The following RUBCN variants were observed in gnomAD, a reference collection of about 807,000 sequenced individuals.
RUBCN encodes the protein run domain Beclin-1-interacting and cysteine-rich domain-containing protein.
RUBCN carries 74 observed loss-of-function variants against 113.2 expected under a neutral mutation model. That is an observed-to-expected ratio of 0.65 (90% confidence interval 0.54 to 0.79). The LOEUF is 0.79. RUBCN is among the 30% of genes least tolerant of loss of function. The pLI, the probability that RUBCN is intolerant of heterozygous loss-of-function variation, is 0.00. For synonymous variants in RUBCN, 480 were observed against 490.0 expected, an observed-to-expected ratio of 0.98 and a Z score of 0.27; for missense variants, 1,109 against 1,251.7, an observed-to-expected ratio of 0.89 and a Z score of 1.72.
chr3:197,726,152 TAA>T, intron 1 of RUBCN, among the ~76,000 whole-genome samples: 1 of 152,374 alleles, frequency 6.6e-6, no homozygotes, highest in Non-Finnish European at 1.5e-5. Context: ...AAAAATACTT[TAA>T]GACTGTTGTT....
chr3:197,709,923 C>T (rs1580298624), intron 2 of RUBCN, among the ~76,000 whole-genome samples: 1 of 152,026 alleles, frequency 6.6e-6, no homozygotes, highest in Non-Finnish European at 1.5e-5. Flanking sequence ...TTAATCCCAG[C>T]ATTTTGGGAG....
chr3:197,743,640 T>C lies in RUBCN; in HGVS notation c.-116+5629A>G, dbSNP rs182558873. Among the ~76,000 whole-genome samples the C allele has an allele frequency of 2.0e-3, 305 of 152,280 alleles. 3 individuals are homozygous for C. In the Middle Eastern group the frequency reaches 0.031, roughly 15 times the overall value. ...TGAACAGAAAAGAGAAGAAAACCTG[T>C]AGTGTATATATAAGTAGTTTAAGGG... On this transcript the variant is annotated intron_variant, in intron 1 of 20. Transcript: ENST00000273582.
upstream of RUBCN, among the ~76,000 whole-genome samples, chr3:197,738,716 G>A (rs1355926715): frequency 6.6e-6 from 1 of 151,968 alleles, no homozygotes; most frequent in Non-Finnish European, 1.5e-5. Context: ...CAAGTAGCTG[G>A]GACCACAGGC....
Position 197,700,918 on chromosome 3 carries a change from C to A in RUBCN, c.956G>T (p.Ser319Ile). 2 of 1,614,226 alleles carry A rather than the reference C, an allele frequency of 1.2e-6. No individual in the cohort carries two copies. The highest frequency in any genetic ancestry group is 1.7e-6 in the Non-Finnish European group (2 of 1,180,048). The change falls in exon 7 of 20, where the codon AGT becomes ATT. Residue 319 changes from serine to isoleucine, a missense_variant. Physicochemically the swap from Ser to Ile is moderately radical, Grantham distance 142 (BLOSUM62 -2). Coordinates refer to ENST00000296343, the MANE Select transcript of RUBCN (RefSeq NM_014687.4). ...SSQNDSPGDASEGPEYLAIGN... is the reference protein window; with the variant it reads ...SSQNDSPGDAIEGPEYLAIGN... Reference sequence around the variant, plus strand: ...AATGGCCAGGTACTCAGGCCCCTCACTGGCATCACCTGGGGAATCATTCTG... The same window carrying A: ...AATGGCCAGGTACTCAGGCCCCTCAATGGCATCACCTGGGGAATCATTCTG...
chr3:197,683,350 G>A lies in RUBCN; in HGVS notation c.1937C>T (p.Ser646Leu), dbSNP rs759067475. The change falls in exon 13 of 20, where the codon TCG becomes TTG. Residue 646 changes from serine to leucine, a missense_variant. Coordinates refer to ENST00000296343, the MANE Select transcript of RUBCN (RefSeq NM_014687.4). The surrounding 1 kb of genome is among the most constrained non-coding windows in gnomAD (Gnocchi z 4.6). ...QFEGMQLPAA[S>L]ELEWLVPEHD... ...CTCCGGGACAAGCCACTCCAGCTCC[G>A]AGGCGGCTGGAAGCTGCATCCCCTC... 8.1e-6 allele frequency: 13 copies of A among 1,614,050 alleles called. No homozygotes were observed. Among genetic ancestry groups the A allele is most frequent in the Admixed American group, 5.0e-5 (3 of 60,002 alleles).
At chr3:197,708,416 G>A (rs1033954971) in intron 2 of RUBCN, among the ~76,000 whole-genome samples, 5 of 151,944 alleles carry the variant, frequency 3.3e-5, no homozygotes, top group African/African-American at 9.7e-5. Context: ...GATTACAGGC[G>A]TAAGCCACCA....
At chr3:197,715,290 G>GAA (rs35511002) in intron 2 of RUBCN, among the ~76,000 whole-genome samples, 89 of 102,788 alleles carry the variant, frequency 8.7e-4, no homozygotes, top group East Asian at 2.2e-3. Context: ...ACTCTATCTT[G>GAA]AAAAAAAAAA....
intron 11 of RUBCN, among the ~76,000 whole-genome samples, chr3:197,690,031 C>G (rs575237296): frequency 6.6e-6 from 1 of 152,236 alleles, no homozygotes; most frequent in African/African-American, 2.4e-5. Context: ...TTAGCTCCCA[C>G]ATATGAGTGA....
At chr3:197,739,613 GTGA>G (rs749569355), upstream of RUBCN, among the ~76,000 whole-genome samples, 62 of 151,452 alleles carry the variant, frequency 4.1e-4, 1 homozygote, top group South Asian at 6.3e-4. Flanking sequence ...GGAGAATGGC[GTGA>G]TGAACCCGGG....
chr3:197,710,696 T>G, intron 2 of RUBCN, among the ~76,000 whole-genome samples: 1 of 151,330 alleles, frequency 6.6e-6, no homozygotes, highest in African/African-American at 2.4e-5. Context: ...AAATAAAGAA[T>G]ATCTATAAAT....
chr3:197,700,686 A>G lies in RUBCN; in HGVS notation c.1188T>C (p.Thr396=), dbSNP rs28394098. ...GGCTTTTCTTTGCCCCACTGGTGACAGTGAGTGTCTGCCCCTCTGAGAAGC... is the reference window on the plus strand; with the variant it reads ...GGCTTTTCTTTGCCCCACTGGTGACGGTGAGTGTCTGCCCCTCTGAGAAGC... ...RSSFSEGQTL[T]VTSGAKKSHI... Residue 396 remains threonine (T), a synonymous_variant, in exon 7 of 20, where the codon ACT becomes ACC. Coordinates refer to ENST00000296343, the MANE Select transcript of RUBCN (RefSeq NM_014687.4). 161,183 of 1,613,948 alleles carry G rather than the reference A, an allele frequency of 0.1. 9,944 individuals are homozygous for G. The highest frequency in any genetic ancestry group is 0.3 in the African/African-American group (22,419 of 74,936).
intron 1 of RUBCN, among the ~76,000 whole-genome samples, chr3:197,735,496 A>AT (rs1728018278): frequency 2.6e-5 from 4 of 152,370 alleles, no homozygotes; most frequent in Admixed American, 1.3e-4. Flanking sequence ...TTTAAAAAAG[A>AT]TTAAGACCAG....
At position 197,701,029 on chromosome 3, in the gene RUBCN, G is replaced by A; in HGVS notation, c.845C>T (p.Ala282Val). ...GGTCAAAGGGGAATCCCTGGCTAGT[G>A]CAGAGACTGAAACTGGGGGGGCTTG... ...TIQAPPVSVSALARDSPLTPN... is the reference protein window; with the variant it reads ...TIQAPPVSVSVLARDSPLTPN... Residue 282 changes from alanine to valine, a missense_variant, in exon 7 of 20, where the codon GCA (alanine) becomes GTA (valine). Physicochemically the swap from Ala to Val is moderately conservative, Grantham distance 64. This residue lies in a region of RUBCN where 736 missense variants were observed against 779.6 expected (regional missense o/e 0.94). Transcript: ENST00000296343. 1 of 1,614,166 alleles carries A rather than the reference G, an allele frequency of 6.2e-7. No individual in the cohort carries two copies. The highest frequency in any genetic ancestry group is 8.5e-7 in the Non-Finnish European group (1 of 1,180,004).
At chr3:197,694,133 C>T (rs1248073450) in intron 10 of RUBCN, 8 of 635,946 alleles carry the variant, frequency 1.3e-5, no homozygotes, top group African/African-American at 8.9e-5. Context: ...TCAAGTGATC[C>T]ACCCGCCTCG....
At chr3:197,682,430 C>T (rs1238555104) in intron 14 of RUBCN, 40 bp downstream of exon 14, 22 of 1,612,196 alleles carry the variant, frequency 1.4e-5, no homozygotes, top group Middle Eastern at 3.3e-4. Context: ...CCAAAGAGGA[C>T]GGATCTGTGC....
intron 1 of RUBCN, among the ~76,000 whole-genome samples, chr3:197,723,974 T>A (rs1386893013): frequency 6.6e-6 from 1 of 152,172 alleles, no homozygotes; most frequent in Non-Finnish European, 1.5e-5. Context: ...GGCACATGCC[T>A]GTAATCCCAG....
chr3:197,738,764 T>C (rs985635830), upstream of RUBCN, among the ~76,000 whole-genome samples: 40 of 150,202 alleles, frequency 2.7e-4, no homozygotes, highest in Non-Finnish European at 5.5e-4. Context: ...TTTTTTTTTT[T>C]AATTTTTGGT....
chr3:197,738,373 T>C (rs1405485206), upstream of RUBCN, among the ~76,000 whole-genome samples: 1 of 152,208 alleles, frequency 6.6e-6, no homozygotes, highest in East Asian at 1.9e-4. Flanking sequence ...CTAATGACTC[T>C]ATATTAAAAT....
chr3:197,694,378 C>T lies in RUBCN; in HGVS notation c.1681G>A (p.Gly561Arg), dbSNP rs768615869. 6 of 1,614,136 alleles carry T rather than the reference C, an allele frequency of 3.7e-6. No individual in the cohort carries two copies. The highest frequency in any genetic ancestry group is 1.1e-5 in the South Asian group (1 of 91,086). Residue 561 changes from glycine to arginine, a missense_variant, in exon 10 of 20, where the codon GGA (glycine) becomes AGA (arginine). Gly to Arg is a moderately radical substitution (Grantham distance 125, BLOSUM62 -2). Transcript: ENST00000296343. ...LLPMYQEAEH[G>R]SFRVTSSSSQ... is the part of the protein sequence containing the mutation. Reference sequence around the variant, plus strand: ...AGCATCCACAGGCTCCACTGACTTCCGTGCTCAGCCTCCTGGTACATGGGG... The same window carrying T: ...AGCATCCACAGGCTCCACTGACTTCTGTGCTCAGCCTCCTGGTACATGGGG...
Sources: gnomAD v4.1 joint callset for allele counts (sites outside exome capture counted in the v4.1 genomes callset) on GRCh38, gnomAD v4.1.1 for gene constraint, gnomAD v4.1.1 regional missense constraint, Gnocchi (gnomAD v3.1) non-coding constraint, MANE v1.5 for transcripts, NCBI Gene and HGNC (gene_info 2026-07-23, HGNC 2026-07-21) for gene names.